The following WWOX variants were observed in gnomAD, a reference collection of about 807,000 sequenced individuals.
WWOX encodes the protein WW domain containing oxidoreductase, also known as WW domain-containing oxidoreductase.
A neutral mutation model predicts 46.2 loss-of-function variants in WWOX; 69 were observed. The observed-to-expected ratio is 1.49, with a 90% CI of 1.23 to 1.82. WWOX has a LOEUF of 1.82. Ranked by LOEUF, WWOX falls within the 40% of genes most tolerant of loss-of-function variation. The pLI, the probability that WWOX is intolerant of heterozygous loss-of-function variation, is 0.00. For synonymous variants in WWOX, 359 were observed against 202.6 expected (o/e 1.77, Z -6.56); for missense variants, 919 against 542.6 (o/e 1.69, Z -6.89).
rs199520455 is a variant in WWOX at position 78,785,969 on chromosome 16, C to G, written c.1056+353217C>G. On this transcript the variant is annotated intron_variant, in intron 8 of 8. Transcript: ENST00000566780. ...TCGCCCAGGCTGGAGTGCAGTGGCGCGATCTCTGCTCACCGCAACCTCCGC... is the reference window on the plus strand; with the variant it reads ...TCGCCCAGGCTGGAGTGCAGTGGCGGGATCTCTGCTCACCGCAACCTCCGC... 2.5e-4 allele frequency among the ~76,000 whole-genome samples: 38 copies of G among 152,244 alleles called. No homozygotes were observed. The East Asian group carries it at 7.1e-3, about 29-fold the overall frequency.
Position 78,386,949 on chromosome 16 carries a change from G to A in WWOX, c.605+1G>A, listed in dbSNP as rs1204242337. ...CTGAAGCATTCAAGGCCAAGAATGTGTGAGTGTTCCAGTGGAGGGTTATAG... is the reference window on the plus strand; with the variant it reads ...CTGAAGCATTCAAGGCCAAGAATGTATGAGTGTTCCAGTGGAGGGTTATAG... On this transcript the variant is annotated splice_donor_variant, in intron 6 of 8. Coordinates refer to ENST00000566780, the MANE Select transcript of WWOX (RefSeq NM_016373.4). LOFTEE classifies it high-confidence loss of function. 9 of 1,613,818 alleles carry A rather than the reference G, an allele frequency of 5.6e-6. No individual in the cohort carries two copies. Among genetic ancestry groups the A allele is most frequent in the Non-Finnish European group, 7.6e-6 (9 of 1,179,718 alleles).
At chr16:78,648,906 A>G (rs2046904786) in intron 8 of WWOX, among the ~76,000 whole-genome samples, 1 of 152,118 alleles carries the variant, frequency 6.6e-6, no homozygotes. Context: ...GCACTAGGTT[A>G]ATTTTTTCCC....
At chr16:78,915,106 G>T (rs2045216823) in intron 8 of WWOX, among the ~76,000 whole-genome samples, 1 of 152,088 alleles carries the variant, frequency 6.6e-6, no homozygotes, top group South Asian at 2.1e-4. Context: ...GTTAAATGGA[G>T]ATCAAGTGGC....
Position 78,890,636 on chromosome 16 carries a change from C to G in WWOX, c.1057-320972C>G, listed in dbSNP as rs551696610. The G allele has an allele frequency of 4.6e-5, 7 of 152,346 alleles. No homozygotes were observed. The East Asian group carries it at 9.7e-4, about 21-fold the overall frequency. The allele number at this position is 152,346 out of a possible 1,614,324, so 9.4% of individuals were successfully genotyped here. ...AGTGATAGTGTCTACATGTGGTCTG[C>G]TCACTCAGCCAGTATTTTCCACAGC... is the stretch of plus-strand genomic sequence containing the variant. On this transcript the variant is annotated intron_variant, in intron 8 of 8. Transcript: ENST00000566780.
chr16:78,984,271 G>A (rs1597238067), intron 8 of WWOX, among the ~76,000 whole-genome samples: 1 of 152,120 alleles, frequency 6.6e-6, no homozygotes. Context: ...CTATATGGCA[G>A]AGCTTGGAAT....
chr16:78,731,423 C>T (rs1242475673), intron 8 of WWOX, among the ~76,000 whole-genome samples: 1 of 152,180 alleles, frequency 6.6e-6, no homozygotes, highest in Admixed American at 6.5e-5. Flanking sequence ...TCTTTCTGCA[C>T]TGATCCCTTT....
intron 8 of WWOX, among the ~76,000 whole-genome samples, chr16:78,662,801 TG>T (rs1040055909): frequency 6.6e-6 from 1 of 152,156 alleles, no homozygotes; most frequent in Non-Finnish European, 1.5e-5. Context: ...TGGTGGTTCC[TG>T]GGCTCTGGGA....
At chr16:78,304,750 TCAA>T (rs1180520860) in intron 5 of WWOX, among the ~76,000 whole-genome samples, 9 of 152,174 alleles carry the variant, frequency 5.9e-5, no homozygotes, top group Non-Finnish European at 1.5e-5. Flanking sequence ...ACATTTCCTG[TCAA>T]CATGTATCAC....
chr16:79,093,271 C>G (rs1200977639), intron 8 of WWOX, among the ~76,000 whole-genome samples: 1 of 152,116 alleles, frequency 6.6e-6, no homozygotes. Context: ...GAAAGATACA[C>G]AGAAACACTA....
intron 8 of WWOX, among the ~76,000 whole-genome samples, chr16:78,538,880 A>G (rs2043822165): frequency 6.6e-6 from 1 of 152,202 alleles, no homozygotes; most frequent in Non-Finnish European, 1.5e-5. Flanking sequence ...TACCTATGAG[A>G]TGCATTTGAA....
At chr16:78,217,330 C>G (rs1411112550) in intron 5 of WWOX, among the ~76,000 whole-genome samples, 1 of 152,234 alleles carries the variant, frequency 6.6e-6, no homozygotes, top group African/African-American at 2.4e-5. Flanking sequence ...TGCACTCCTA[C>G]TTTCCTGCTG....
chr16:78,404,457 C>A (rs1360497360), intron 6 of WWOX, among the ~76,000 whole-genome samples: 2 of 152,034 alleles, frequency 1.3e-5, no homozygotes, highest in Non-Finnish European at 1.5e-5. Flanking sequence ...AGAACCAATT[C>A]CCTCTTTAAA....
At chr16:78,643,569 AG>A (rs1567458880) in intron 8 of WWOX, among the ~76,000 whole-genome samples, 1 of 152,170 alleles carries the variant, frequency 6.6e-6, no homozygotes, top group Non-Finnish European at 1.5e-5. Flanking sequence ...AGAGCCTTCC[AG>A]CCCCCTGTAG....
intron 8 of WWOX, among the ~76,000 whole-genome samples, chr16:78,804,890 AC>A (rs1422799685): frequency 1.3e-5 from 2 of 152,204 alleles, no homozygotes; most frequent in African/African-American, 4.8e-5. Context: ...TTTAAAAGCC[AC>A]CCAAGTAATC....
At chr16:78,930,099 C>G (rs1165338169) in intron 8 of WWOX, among the ~76,000 whole-genome samples, 1 of 152,072 alleles carries the variant, frequency 6.6e-6, no homozygotes, top group Admixed American at 6.5e-5. Flanking sequence ...TCCTCCTTCC[C>G]TTCCTGCCGT....
intron 8 of WWOX, among the ~76,000 whole-genome samples, chr16:78,862,305 C>A (rs1028288229): frequency 6.6e-6 from 1 of 151,016 alleles, no homozygotes; most frequent in African/African-American, 2.4e-5. Flanking sequence ...TCTATACACA[C>A]CTATGGGTGT....
intron 8 of WWOX, among the ~76,000 whole-genome samples, chr16:78,984,855 A>G (rs1275745808): frequency 6.6e-6 from 1 of 152,202 alleles, no homozygotes; most frequent in African/African-American, 2.4e-5. Context: ...AAGACGAGGA[A>G]GAAGGGTGCA....
intron 8 of WWOX, among the ~76,000 whole-genome samples, chr16:79,156,198 G>C (rs1465562856): frequency 1.3e-5 from 2 of 152,134 alleles, no homozygotes; most frequent in Non-Finnish European, 2.9e-5. Flanking sequence ...GTCTCACTCT[G>C]TTGCCCAGGC....
chr16:78,112,617 T>C (rs1456492416), intron 3 of WWOX, among the ~76,000 whole-genome samples: 1 of 152,332 alleles, frequency 6.6e-6, no homozygotes, highest in South Asian at 2.1e-4. Flanking sequence ...GAAAGTTTTT[T>C]TTCCTCAACT....
Sources: gnomAD v4.1 joint callset for allele counts (sites outside exome capture counted in the v4.1 genomes callset) on GRCh38, gnomAD v4.1.1 for gene constraint, MANE v1.5 for transcripts, NCBI Gene and HGNC (gene_info 2026-07-23, HGNC 2026-07-21) for gene names.